The following SLC36A4 variants were observed in gnomAD, a reference collection of about 807,000 sequenced individuals.
SLC36A4 encodes solute carrier family 36 member 4, also known as neutral amino acid uniporter 4.
In SLC36A4, 49 loss-of-function variants were observed where a neutral mutation model predicts 50.5. The observed-to-expected ratio is 0.97, with a 90% CI of 0.77 to 1.23. The LOEUF (loss-of-function observed/expected upper bound fraction) is 1.23. Among genes scored for constraint, SLC36A4 ranks in the 50% most tolerant of loss-of-function variants. SLC36A4 has a pLI of 0.00. For synonymous variants in SLC36A4, 207 were observed against 206.5 expected, an observed-to-expected ratio of 1.00 and a Z score of -0.02; for missense variants, 611 against 608.4, an observed-to-expected ratio of 1.00 and a Z score of -0.05.
In SLC36A4 at chr11:93,148,650, T is replaced by A. The variant is rs1428465918; in HGVS notation, c.1402A>T (p.Thr468Ser). 1 of 1,612,722 alleles carries A rather than the reference T, an allele frequency of 6.2e-7. No homozygotes were observed. The highest frequency in any genetic ancestry group is 1.7e-5 in the Admixed American group (1 of 59,830). Reference protein sequence around the residue: ...FTGVVGFLLGTYITVEEIIYP... With the variant: ...FTGVVGFLLGSYITVEEIIYP... ...ATAATTTCTTCAACAGTTATATATG[T>A]ACCTAATAAGAAGCCAACAACTCCA... The change falls in exon 11 of 11, where the codon ACA becomes TCA. Residue 468 changes from threonine (T) to serine (S), a missense_variant. Transcript: ENST00000326402.
intron 1 of SLC36A4, among the ~76,000 whole-genome samples, chr11:93,192,209 G>C (rs1862244008): frequency 6.6e-6 from 1 of 152,212 alleles, no homozygotes; most frequent in South Asian, 2.1e-4. Context: ...GCCTCACTGA[G>C]AAAGTGGCAT....
chr11:93,183,034 C>T, intron 3 of SLC36A4, 140 bp from the exon 4 acceptor site: 1 of 587,816 alleles, frequency 1.7e-6, no homozygotes, highest in Non-Finnish European at 3.0e-6. Flanking sequence ...TAAGGGAAAA[C>T]TAATAAACTT....
chr11:93,150,388 T>C (rs948133697), intron 10 of SLC36A4, among the ~76,000 whole-genome samples: 8 of 152,082 alleles, frequency 5.3e-5, no homozygotes, highest in African/African-American at 1.9e-4. Flanking sequence ...TTCCTTTTTC[T>C]ATTCTTTCTG....
intron 7 of SLC36A4, chr11:93,167,477 T>A (rs1860927676): frequency 6.6e-6 from 1 of 152,504 alleles, no homozygotes; most frequent in Non-Finnish European, 1.5e-5. Flanking sequence ...AATCAGTTGA[T>A]GTTATTGCAT....
At chr11:93,184,839 A>G (rs74998320) in intron 2 of SLC36A4, among the ~76,000 whole-genome samples, 6,318 of 152,316 alleles carry the variant, frequency 0.041, 185 homozygotes, top group South Asian at 0.098. Flanking sequence ...GTGAAGCAAT[A>G]AATTTTTTTT....
chr11:93,161,068 G>A (rs1309902204), intron 9 of SLC36A4, among the ~76,000 whole-genome samples: 2 of 151,884 alleles, frequency 1.3e-5, no homozygotes, highest in Non-Finnish European at 2.9e-5. Flanking sequence ...TCAAACTTCT[G>A]GCCTCAAGTG....
intron 1 of SLC36A4, chr11:93,197,468 G>A: frequency 2.2e-6 from 1 of 452,168 alleles, no homozygotes; most frequent in Non-Finnish European, 3.9e-6. Context: ...CGTGAGTCAC[G>A]GCGCAGGCTC....
rs148260739 is a variant in SLC36A4 at position 93,190,998 on chromosome 11, T to C, written c.56-5184A>G. On this transcript the variant is annotated intron_variant, in intron 1 of 10. Coordinates refer to ENST00000326402, the MANE Select transcript of SLC36A4 (RefSeq NM_152313.4). Reference sequence around the variant, plus strand: ...ACTGAGCATATCAACTTGAATGATATAAAACAGCTCTTAAATCTAAAGAGT... The same window carrying C: ...ACTGAGCATATCAACTTGAATGATACAAAACAGCTCTTAAATCTAAAGAGT... Among the ~76,000 whole-genome samples, 371 of 152,334 alleles carry C rather than the reference T, an allele frequency of 2.4e-3. 4 individuals carry two copies. The highest frequency in any genetic ancestry group is 8.6e-3 in the African/African-American group (356 of 41,570).
intron 9 of SLC36A4, chr11:93,160,537 G>A: frequency 3.0e-6 from 3 of 985,344 alleles, no homozygotes; most frequent in Non-Finnish European, 3.6e-6. Context: ...GGATTAATTG[G>A]AGCTACTGCA....
At position 93,197,944 on chromosome 11, in the gene SLC36A4, C is replaced by G. The variant is rs1862510480; in HGVS notation, c.-112G>C. 1.8e-6 allele frequency: 2 copies of G among 1,114,410 alleles called. No individual in the cohort carries two copies. The highest frequency in any genetic ancestry group is 6.4e-5 in the East Asian group (2 of 31,480). 69.0% of individuals were successfully genotyped at this position (1,114,410 alleles called of 1,614,324 possible). A position where few individuals can be genotyped will look rare whatever the true frequency, so the allele number is the denominator to read the frequency against. The stretch of plus-strand genomic sequence containing the variant: ...TGCCCGGAGGGACCCGCGCCTGGTG[C>G]CCGCCTCCCTGCCCCGGCGCTCCCC... On this transcript the variant is annotated 5_prime_UTR_variant, in exon 1 of 11. Transcript: ENST00000326402.
intron 10 of SLC36A4, 113 bp downstream of exon 10, chr11:93,153,994 AT>A: frequency 1.8e-6 from 1 of 541,200 alleles, no homozygotes; most frequent in Non-Finnish European, 2.9e-6. Context: ...TGTTTTAAAA[AT>A]ATTGAAAAAT....
At chr11:93,181,876 G>C (rs993470800) in intron 4 of SLC36A4, 90 bp from the exon 5 acceptor site, 3 of 1,122,018 alleles carry the variant, frequency 2.7e-6, no homozygotes, top group Non-Finnish European at 3.6e-6. Context: ...TAAAATAAAT[G>C]GGAATTAATA....
chr11:93,158,425 G>A (rs926789106), intron 9 of SLC36A4, among the ~76,000 whole-genome samples: 3 of 151,726 alleles, frequency 2.0e-5, no homozygotes, highest in South Asian at 2.1e-4. Context: ...AAGTCACATC[G>A]GCTAAGAATC....
At position 93,181,763 on chromosome 11, in the gene SLC36A4, T is replaced by C; in HGVS notation, c.383A>G (p.Tyr128Cys). 1 of 1,554,288 alleles carries C rather than the reference T, an allele frequency of 6.4e-7. No homozygotes were observed. Among genetic ancestry groups the C allele is most frequent in the African/African-American group, 1.4e-5 (1 of 73,784 alleles). Residue 128 changes from tyrosine to cysteine, a missense_variant, in exon 5 of 11, where the codon TAT becomes TGT. Coordinates refer to ENST00000326402, the MANE Select transcript of SLC36A4 (RefSeq NM_152313.4). ...CLRFKKSTLG[Y>C]SDTVSFAMEV... Reference sequence around the variant, plus strand: ...CATAGCAAAGCTCACAGTGTCACTATAACCTAATGTTGACTTTTTAAACCT... The same window carrying C: ...CATAGCAAAGCTCACAGTGTCACTACAACCTAATGTTGACTTTTTAAACCT...
At chr11:93,151,851 T>C (rs549195595) in intron 10 of SLC36A4, among the ~76,000 whole-genome samples, 285 of 152,110 alleles carry the variant, frequency 1.9e-3, no homozygotes, top group Non-Finnish European at 3.3e-3. Context: ...TATAATACAT[T>C]TAAAAATGTA....
chr11:93,175,615 T>C (rs1359394638), intron 6 of SLC36A4, among the ~76,000 whole-genome samples: 1 of 92,568 alleles, frequency 1.1e-5, no homozygotes, highest in African/African-American at 2.9e-5. Flanking sequence ...ACACACTGCT[T>C]TGAATGCGTC....
intron 4 of SLC36A4, chr11:93,182,319 CAA>C (rs1334179477): frequency 2.4e-6 from 2 of 831,084 alleles, no homozygotes; most frequent in South Asian, 5.5e-5. Context: ...ATAACAACAA[CAA>C]AAAAGAGTCA....
rs1411782036 is a variant in SLC36A4 at position 93,176,011 on chromosome 11, T to G, written c.540+4786A>C. The stretch of plus-strand genomic sequence containing the variant: ...CAATTCCTGGGTATCCTTGTTGACT[T>G]TCTGTCTCGTTGATCTGTCTAATGT... On this transcript the variant is annotated intron_variant, in intron 6 of 10. Transcript: ENST00000326402. Among the ~76,000 whole-genome samples the G allele has an allele frequency of 5.5e-4, 70 of 126,506 alleles. No homozygotes were observed. In the East Asian group the frequency reaches 0.015, roughly 28 times the overall value. 83.0% of individuals were successfully genotyped at this position (126,506 alleles called of 152,430 possible).
chr11:93,197,708 G>A, intron 1 of SLC36A4, 70 bp downstream of exon 1: 1 of 1,509,870 alleles, frequency 6.6e-7, no homozygotes, highest in Admixed American at 1.8e-5. Flanking sequence ...TGGAGGTGTG[G>A]GCGCACCCGA....
Sources: gnomAD v4.1 joint callset for allele counts (sites outside exome capture counted in the v4.1 genomes callset) on GRCh38, gnomAD v4.1.1 for gene constraint, MANE v1.5 for transcripts, NCBI Gene and HGNC (gene_info 2026-07-23, HGNC 2026-07-21) for gene names.